Variants in ROBO2 observed in about 807,000 individuals in gnomAD.
The protein encoded by ROBO2 is roundabout homolog 2.
A neutral mutation model predicts 160.8 loss-of-function variants in ROBO2; 53 were observed. The ratio of observed to expected loss-of-function variants is 0.33; its 90% CI spans 0.26 to 0.41. The LOEUF is 0.41. Ranked by LOEUF, ROBO2 falls within the 10% of genes least tolerant of loss-of-function variation. The probability of loss-of-function intolerance (pLI) is 1.00; values close to 1 mark genes in which losing one functional copy is unlikely to be tolerated. For synonymous variants in ROBO2, 664 were observed against 611.7 expected (o/e 1.09, Z -1.26); for missense variants, 1,577 against 1,722.4 (o/e 0.92, Z 1.49).
chr3:77,599,139 C>T (rs2094378013), intron 19 of ROBO2, among the ~76,000 whole-genome samples: 1 of 152,080 alleles, frequency 6.6e-6, no homozygotes, highest in African/African-American at 2.4e-5. Context: ...GACTGTATCC[C>T]TTATCCATGT....
chr3:76,994,934 G>A (rs2149388631), intron 2 of ROBO2, among the ~76,000 whole-genome samples: 1 of 151,960 alleles, frequency 6.6e-6, no homozygotes, highest in Admixed American at 6.5e-5. Flanking sequence ...AATAATTTGA[G>A]CATAGATTTA....
intron 2 of ROBO2, among the ~76,000 whole-genome samples, chr3:77,371,396 C>T (rs550257969): frequency 6.6e-6 from 1 of 150,636 alleles, no homozygotes; most frequent in Non-Finnish European, 1.5e-5. Context: ...CTCCTGCCTC[C>T]CTTCTCCCTT....
chr3:75,948,653 A>G (rs1948419068), intron 2 of ROBO2, among the ~76,000 whole-genome samples: 1 of 152,080 alleles, frequency 6.6e-6, no homozygotes, highest in East Asian at 1.9e-4. Context: ...GAATTGCCAT[A>G]CCTGTCAATC....
chr3:76,723,135 G>T (rs1330912735), intron 2 of ROBO2, among the ~76,000 whole-genome samples: 3 of 151,746 alleles, frequency 2.0e-5, no homozygotes, highest in Non-Finnish European at 4.4e-5. Flanking sequence ...TTTTCTATTT[G>T]GATGGAAAAG....
intron 2 of ROBO2, among the ~76,000 whole-genome samples, chr3:76,206,368 T>G (rs1422807619): frequency 6.6e-6 from 1 of 152,222 alleles, no homozygotes; most frequent in African/African-American, 2.4e-5. Context: ...TTGTGTCACA[T>G]TATATGGCTG....
intron 1 of ROBO2, among the ~76,000 whole-genome samples, chr3:77,043,713 A>G (rs1366926174): frequency 6.6e-6 from 1 of 152,134 alleles, no homozygotes; most frequent in Admixed American, 6.6e-5. Context: ...CATTTATGGG[A>G]AATTAATATG....
chr3:77,430,469 G>A (rs1175303270), intron 2 of ROBO2, among the ~76,000 whole-genome samples: 3 of 151,960 alleles, frequency 2.0e-5, no homozygotes, highest in African/African-American at 7.2e-5. Context: ...AAATTTTATT[G>A]ATAGGATATG....
At chr3:75,909,812 A>G (rs1946491455) in intron 1 of ROBO2, among the ~76,000 whole-genome samples, 1 of 152,246 alleles carries the variant, frequency 6.6e-6, no homozygotes, top group Non-Finnish European at 1.5e-5. Context: ...GGAAGAAAGG[A>G]GAGAGGGAGA....
At chr3:76,139,378 A>G (rs927677416) in intron 2 of ROBO2, among the ~76,000 whole-genome samples, 1 of 152,154 alleles carries the variant, frequency 6.6e-6, no homozygotes, top group Admixed American at 6.6e-5. Flanking sequence ...TTGGATAGCT[A>G]TAAATAAAAA....
At chr3:76,674,930 C>T (rs1158593904) in intron 2 of ROBO2, among the ~76,000 whole-genome samples, 1 of 151,562 alleles carries the variant, frequency 6.6e-6, no homozygotes, top group Non-Finnish European at 1.5e-5. Context: ...CAAAAAAAAA[C>T]CCACACATGA....
intron 24 of ROBO2, among the ~76,000 whole-genome samples, chr3:77,637,675 A>AT (rs1266210170): frequency 6.6e-6 from 1 of 152,068 alleles, no homozygotes; most frequent in Non-Finnish European, 1.5e-5. Flanking sequence ...AATTTTGTAT[A>AT]TTTTTTCTGT....
At chr3:77,154,954 CA>C (rs1348701779) in intron 2 of ROBO2, among the ~76,000 whole-genome samples, 2 of 151,780 alleles carry the variant, frequency 1.3e-5, no homozygotes, top group African/African-American at 2.4e-5. Flanking sequence ...ATTTGTACTC[CA>C]AACCTAAGCA....
At chr3:76,094,255 C>T (rs538509528) in intron 2 of ROBO2, among the ~76,000 whole-genome samples, 3 of 152,280 alleles carry the variant, frequency 2.0e-5, no homozygotes, top group Non-Finnish European at 4.4e-5. Context: ...CTTGTAGGAT[C>T]GGCCCATCCA....
At chr3:76,515,505 T>C (rs2081306822) in intron 2 of ROBO2, among the ~76,000 whole-genome samples, 1 of 152,178 alleles carries the variant, frequency 6.6e-6, no homozygotes, top group South Asian at 2.1e-4. Context: ...AGGTATTTTT[T>C]TTTTTTGTAC....
chr3:75,956,908 T>G (rs34681370), intron 2 of ROBO2, among the ~76,000 whole-genome samples: 68,643 of 151,322 alleles, frequency 0.45, 15,677 homozygotes, highest in Non-Finnish European at 0.48. Flanking sequence ...AATAGATATC[T>G]CTTTCTTTCT....
intron 2 of ROBO2, among the ~76,000 whole-genome samples, chr3:76,960,570 G>C (rs1213154847): frequency 6.6e-6 from 1 of 151,964 alleles, no homozygotes; most frequent in Admixed American, 6.6e-5. Context: ...ACTATTATAA[G>C]TGAGAAAAGA....
intron 2 of ROBO2, among the ~76,000 whole-genome samples, chr3:77,204,222 T>C (rs1222247804): frequency 1.3e-5 from 2 of 152,198 alleles, no homozygotes; most frequent in African/African-American, 2.4e-5. Flanking sequence ...AACTCCATTT[T>C]TACCTCTGAA....
chr3:77,273,063 G>T (rs1485358279), intron 2 of ROBO2, among the ~76,000 whole-genome samples: 3 of 152,086 alleles, frequency 2.0e-5, no homozygotes. Flanking sequence ...CATTACTCAG[G>T]TAGTGAGCAT....
At chr3:77,046,116 G>A (rs1025280748) in intron 1 of ROBO2, among the ~76,000 whole-genome samples, 19 of 152,184 alleles carry the variant, frequency 1.2e-4, no homozygotes, top group Admixed American at 3.3e-4. Flanking sequence ...AACCTGGGAT[G>A]GAAATGCTGG....
Sources: gnomAD v4.1 joint callset for allele counts (sites outside exome capture counted in the v4.1 genomes callset) on GRCh38, gnomAD v4.1.1 for gene constraint, MANE v1.5 for transcripts, NCBI Gene and HGNC (gene_info 2026-07-23, HGNC 2026-07-21) for gene names.